The following ETFBKMT variants were observed in gnomAD, a reference collection of about 807,000 sequenced individuals.
ETFBKMT encodes the protein electron transfer flavoprotein beta subunit lysine methyltransferase.
A neutral mutation model predicts 18.3 loss-of-function variants in ETFBKMT; 13 were observed. The observed-to-expected ratio is 0.71, with a 90% CI of 0.46 to 1.13. The LOEUF (loss-of-function observed/expected upper bound fraction) is 1.13, where lower values mean the gene tolerates loss of function less well. ETFBKMT is among the 50% of genes most tolerant of loss of function. ETFBKMT has a pLI of 0.00. For synonymous variants in ETFBKMT, 84 were observed against 107.9 expected (o/e 0.78, Z 1.37); for missense variants, 293 against 306.2 (o/e 0.96, Z 0.32).
intron 2 of ETFBKMT, 69 bp from the exon 3 acceptor site, chr12:31,666,018 T>C: frequency 7.0e-7 from 1 of 1,432,578 alleles, no homozygotes; most frequent in Non-Finnish European, 9.4e-7. Context: ...TGGCCAGATT[T>C]TGGGGGGCCT....
chr12:31,661,626 AT>A (rs1222953015), intron 1 of ETFBKMT, among the ~76,000 whole-genome samples: 4 of 151,932 alleles, frequency 2.6e-5, no homozygotes, highest in African/African-American at 7.3e-5. Context: ...CGCCTGGCTA[AT>A]TTTTTGTATT....
upstream of ETFBKMT, among the ~76,000 whole-genome samples, chr12:31,656,231 A>G (rs953180664): frequency 6.6e-6 from 1 of 152,096 alleles, no homozygotes; most frequent in Non-Finnish European, 1.5e-5. Flanking sequence ...ATGTTGGGGA[A>G]GGCTTTTCAG....
chr12:31,662,873 C>T (rs979497162), intron 2 of ETFBKMT, among the ~76,000 whole-genome samples: 1 of 152,080 alleles, frequency 6.6e-6, no homozygotes, highest in Non-Finnish European at 1.5e-5. Context: ...TCCTTTAATT[C>T]AGTGAATGTC....
rs562157491 is a variant in ETFBKMT, at chr12:31,667,925, T to C, written c.724T>C (p.Leu242=). The change falls in exon 4 of 4, where the codon TTG becomes CTG. Residue 242 remains leucine (L), a synonymous_variant. Coordinates refer to ENST00000357721, the MANE Select transcript of ETFBKMT (RefSeq NM_001135863.2). The part of the protein sequence containing the change: ...HLHKVVEYSL[L]ESTRQENSGL... ...GCACAAAGTGGTAGAATATTCACTT[T>C]TGGAGTCTACTAGGCAGGAAAACAG... 6.2e-7 allele frequency: 1 copy of C among 1,614,202 alleles called. No individual in the cohort carries two copies. Among genetic ancestry groups the C allele is most frequent in the Non-Finnish European group, 8.5e-7 (1 of 1,180,042 alleles).
At chr12:31,664,614 T>G (rs117696998) in intron 2 of ETFBKMT, among the ~76,000 whole-genome samples, 2 of 145,238 alleles carry the variant, frequency 1.4e-5, no homozygotes, top group African/African-American at 5.3e-5. Context: ...TTCTTTTTCT[T>G]TCTTTTTTTT....
chr12:31,660,657 G>A (rs1355545008), intron 1 of ETFBKMT: 3 of 152,142 alleles, frequency 2.0e-5, no homozygotes, highest in African/African-American at 7.2e-5. Flanking sequence ...AGGAGTTGAT[G>A]TTCTTTTATT....
upstream of ETFBKMT, among the ~76,000 whole-genome samples, chr12:31,655,368 A>G (rs1273667826): frequency 1.3e-5 from 2 of 152,200 alleles, no homozygotes; most frequent in East Asian, 3.8e-4. Flanking sequence ...GCGCCTAAGA[A>G]AATTCTTTCC....
intron 1 of ETFBKMT, 71 bp from the exon 2 acceptor site, chr12:31,661,770 A>G (rs1951127274): frequency 3.2e-6 from 2 of 616,428 alleles, no homozygotes; most frequent in South Asian, 4.2e-5. Context: ...ATATTTTCTT[A>G]TTATGTAATA....
intron 3 of ETFBKMT, 34 bp downstream of exon 3, chr12:31,666,251 A>G (rs1185443566): frequency 1.3e-6 from 2 of 1,581,578 alleles, no homozygotes; most frequent in Non-Finnish European, 1.7e-6. Context: ...TTTAAGGCTC[A>G]TCTTTTTTTT....
chr12:31,651,255 C>A (rs1318302767), intron 1 of ETFBKMT, among the ~76,000 whole-genome samples: 1 of 151,910 alleles, frequency 6.6e-6, no homozygotes, highest in Non-Finnish European at 1.5e-5. Context: ...ACTGACGTGT[C>A]CATTCCTACC....
In ETFBKMT at chr12:31,672,496, G is replaced by A. The variant is rs989220450; in HGVS notation, c.*4506G>A. The A allele has an allele frequency of 6.9e-6, 5 of 727,320 alleles. No homozygotes were observed. 45.1% of individuals were successfully genotyped at this position (727,320 alleles called of 1,614,324 possible). ...AGTTATTTAAAGGATTAAAGGAGGTGATCTATAAAGCACAATATACAACTA... is the reference window on the plus strand; with the variant it reads ...AGTTATTTAAAGGATTAAAGGAGGTAATCTATAAAGCACAATATACAACTA... On this transcript the variant is annotated 3_prime_UTR_variant, in exon 4 of 4. Coordinates refer to ENST00000357721, the MANE Select transcript of ETFBKMT (RefSeq NM_001135863.2).
chr12:31,664,860 C>A (rs1951173596), intron 2 of ETFBKMT, among the ~76,000 whole-genome samples: 1 of 151,184 alleles, frequency 6.6e-6, no homozygotes, highest in Non-Finnish European at 1.5e-5. Context: ...GGTGATCCAC[C>A]CACCTTGCCT....
chr12:31,655,869 T>C (rs1358711782), upstream of ETFBKMT, among the ~76,000 whole-genome samples: 1 of 152,204 alleles, frequency 6.6e-6, no homozygotes, highest in East Asian at 1.9e-4. Flanking sequence ...CCTGGATTGA[T>C]TGAGATTCTT....
At chr12:31,665,932 G>C (rs528382119) in intron 2 of ETFBKMT, among the ~76,000 whole-genome samples, 155 bp from the exon 3 acceptor site, 1 of 152,158 alleles carries the variant, frequency 6.6e-6, no homozygotes. Context: ...GCCTTCCAGC[G>C]TGGGTGTTAT....
intron 2 of ETFBKMT, among the ~76,000 whole-genome samples, chr12:31,665,734 G>C (rs1951185709): frequency 6.6e-6 from 1 of 152,222 alleles, no homozygotes; most frequent in African/African-American, 2.4e-5. Flanking sequence ...TTAACTAAAA[G>C]TATCCCTTAT....
rs76361180 is a variant in ETFBKMT, at chr12:31,672,391, C to T, written c.*4401C>T. 2,700 of 1,535,468 alleles carry T rather than the reference C, an allele frequency of 1.8e-3. 35 individuals are homozygous for T. The African/African-American group carries it at 0.033, about 19-fold the overall frequency. Reference sequence around the variant, plus strand: ...CTCGGGAATGATCTATAAAAGAAAACAATGACAATATATTAATTGACAATA... The same window carrying T: ...CTCGGGAATGATCTATAAAAGAAAATAATGACAATATATTAATTGACAATA... On this transcript the variant is annotated 3_prime_UTR_variant, in exon 4 of 4. Coordinates refer to ENST00000357721, the MANE Select transcript of ETFBKMT (RefSeq NM_001135863.2).
At chr12:31,647,316 T>C (rs1950976926) in intron 1 of ETFBKMT, 1 of 152,264 alleles carries the variant, frequency 6.6e-6, no homozygotes, top group African/African-American at 2.4e-5. Context: ...TGTAAATCCC[T>C]GCCTTTGGCT....
chr12:31,656,532 CAGAT>C (rs1191050763), upstream of ETFBKMT, among the ~76,000 whole-genome samples: 2 of 152,170 alleles, frequency 1.3e-5, no homozygotes, highest in East Asian at 1.9e-4. Flanking sequence ...AGGGAGAACA[CAGAT>C]AGCCTGCTGA....
At chr12:31,648,705 GGGCC>G (rs1950989495) in intron 1 of ETFBKMT, among the ~76,000 whole-genome samples, 1 of 152,144 alleles carries the variant, frequency 6.6e-6, no homozygotes, top group South Asian at 2.1e-4. Flanking sequence ...GGGGCTACAG[GGGCC>G]CACCACCACG....
Sources: gnomAD v4.1 joint callset for allele counts (sites outside exome capture counted in the v4.1 genomes callset) on GRCh38, gnomAD v4.1.1 for gene constraint, MANE v1.5 for transcripts, NCBI Gene and HGNC (gene_info 2026-07-23, HGNC 2026-07-21) for gene names.